Variants in RSRC2 observed in about 807,000 individuals in gnomAD.
RSRC2 encodes the protein arginine and serine rich coiled-coil 2, also known as arginine/serine-rich coiled-coil protein 2.
A neutral mutation model predicts 61.3 loss-of-function variants in RSRC2; 5 were observed. The ratio of observed to expected loss-of-function variants is 0.08; its 90% CI spans 0.04 to 0.17. The LOEUF is 0.17. Ranked by LOEUF, RSRC2 falls within the 10% of genes least tolerant of loss-of-function variation. The probability of loss-of-function intolerance (pLI) is 1.00; values close to 1 mark genes in which losing one functional copy is unlikely to be tolerated. For synonymous variants in RSRC2, 202 were observed against 166.5 expected, an observed-to-expected ratio of 1.21 and a Z score of -1.64; for missense variants, 381 against 518.8, an observed-to-expected ratio of 0.73 and a Z score of 2.58.
Position 122,515,097 on chromosome 12 carries a change from A to T in RSRC2, c.725+8T>A, listed in dbSNP as rs536744082. On this transcript the variant is annotated splice_region_variant and intron_variant, in intron 6 of 9. Transcript: ENST00000331738. ...AACTGGAACAAATGAATTAAGAAAT[A>T]TACACACCTTCTAGCTAAAGCTTCC... The T allele has an allele frequency of 6.2e-7, 1 of 1,612,336 alleles. No individual in the cohort carries two copies. Among genetic ancestry groups the T allele is most frequent in the South Asian group, 1.1e-5 (1 of 90,476 alleles).
At chr12:122,515,017 T>G (rs1958804252) in intron 6 of RSRC2, 88 bp downstream of exon 6, 2 of 1,387,266 alleles carry the variant, frequency 1.4e-6, no homozygotes, top group African/African-American at 2.9e-5. Context: ...TGTGAATCAT[T>G]CTCTTACTGA....
At chr12:122,521,216 T>C (rs544564758) in intron 3 of RSRC2, 169 bp downstream of exon 3, 4 of 494,462 alleles carry the variant, frequency 8.1e-6, no homozygotes, top group African/African-American at 3.9e-5. Context: ...CACATAAACA[T>C]CTTCTTCAAA....
intron 6 of RSRC2, among the ~76,000 whole-genome samples, chr12:122,512,451 G>A (rs939146932): frequency 3.9e-5 from 6 of 152,110 alleles, no homozygotes; most frequent in East Asian, 1.9e-4. Context: ...AAGTCGGCCC[G>A]GCGCCACGCC....
At chr12:122,513,294 TG>T (rs1958672058) in intron 6 of RSRC2, among the ~76,000 whole-genome samples, 1 of 151,208 alleles carries the variant, frequency 6.6e-6, no homozygotes. Flanking sequence ...AGATCTGAAA[TG>T]TATTTCCTAA....
rs771962799 is a variant in RSRC2 at position 122,517,364 on chromosome 12, C to T, written c.465G>A (p.Ser155=). Residue 155 remains serine, a synonymous_variant, in exon 5 of 10, where the codon TCG becomes TCA. Coordinates refer to ENST00000331738, the MANE Select transcript of RSRC2 (RefSeq NM_023012.6). ...TCTTCCTCTCTCTGCTTCTGGATCT[C>T]GATTTCTTCCGCTCCCTACTCCTGG... ...SRSRSRERKK[S]RSRSRERKKS... 7.4e-6 allele frequency: 12 copies of T among 1,614,056 alleles called. No homozygotes were observed. Among genetic ancestry groups the T allele is most frequent in the South Asian group, 5.5e-5 (5 of 91,078 alleles).
intron 8 of RSRC2, chr12:122,507,888 C>T (rs1958225888): frequency 5.3e-6 from 2 of 373,958 alleles, no homozygotes; most frequent in Non-Finnish European, 1.0e-5. Context: ...GTAGGCTCTG[C>T]ATCCCAGGCT....
chr12:122,515,350 A>C (rs1019362122), intron 5 of RSRC2, 123 bp from the exon 6 acceptor site: 3 of 932,994 alleles, frequency 3.2e-6, no homozygotes, highest in Non-Finnish European at 4.8e-6. Flanking sequence ...GAGATGCAAA[A>C]GATTTAAAAC....
chr12:122,505,799 G>A (rs1287583224), intron 9 of RSRC2, 93 bp from the exon 10 acceptor site: 1 of 1,071,748 alleles, frequency 9.3e-7, no homozygotes, highest in Non-Finnish European at 1.3e-6. Flanking sequence ...TTTTTTTTGA[G>A]ATGGAGTCTT....
chr12:122,506,583 C>T (rs1215888092), intron 9 of RSRC2: 1 of 386,772 alleles, frequency 2.6e-6, no homozygotes, highest in Admixed American at 4.2e-5. Context: ...GTACTCCAGC[C>T]CAAGTGACAG....
At chr12:122,520,747 T>A in intron 3 of RSRC2, 1 of 370,092 alleles carries the variant, frequency 2.7e-6, no homozygotes, top group Non-Finnish European at 5.2e-6. Flanking sequence ...CCCACAAGAC[T>A]CTTCTCCCTT....
At chr12:122,514,337 T>G (rs1389164077) in intron 6 of RSRC2, among the ~76,000 whole-genome samples, 2 of 150,920 alleles carry the variant, frequency 1.3e-5, no homozygotes, top group Non-Finnish European at 2.9e-5. Context: ...CGATCTTGGC[T>G]TACTGCAACC....
At chr12:122,523,938 C>T (rs919031903) in intron 1 of RSRC2, among the ~76,000 whole-genome samples, 2 of 152,140 alleles carry the variant, frequency 1.3e-5, no homozygotes, top group African/African-American at 4.8e-5. Context: ...ACATAAATTA[C>T]GTGTTATTCC....
chr12:122,505,936 G>A (rs912673124), intron 9 of RSRC2, among the ~76,000 whole-genome samples: 1 of 151,956 alleles, frequency 6.6e-6, no homozygotes, highest in Non-Finnish European at 1.5e-5. Flanking sequence ...ATGCCACCAC[G>A]CCCAGCTAAT....
At chr12:122,509,571 TAA>T (rs1053497224) in intron 7 of RSRC2, among the ~76,000 whole-genome samples, 2 of 152,194 alleles carry the variant, frequency 1.3e-5, no homozygotes, top group East Asian at 1.9e-4. Flanking sequence ...CAGTCCTCTG[TAA>T]AAAAAGACAC....
At chr12:122,516,034 A>C (rs1488556400) in intron 5 of RSRC2, among the ~76,000 whole-genome samples, 1 of 146,916 alleles carries the variant, frequency 6.8e-6, no homozygotes, top group Non-Finnish European at 1.5e-5. Flanking sequence ...AAAGCACTTA[A>C]AAAAAAATTT....
intron 1 of RSRC2, among the ~76,000 whole-genome samples, chr12:122,525,814 T>TCAAA (rs1960178096): frequency 1.6e-4 from 1 of 6,404 alleles, no homozygotes; most frequent in Admixed American, 8.8e-4. Context: ...TTTTTTTTTT[T>TCAAA]TTTTTTTTTT....
chr12:122,506,223 TAAAAACA>T (rs1236103515), intron 9 of RSRC2: 1 of 152,392 alleles, frequency 6.6e-6, no homozygotes, highest in Non-Finnish European at 1.5e-5. Context: ...CCGTCTATAC[TAAAAACA>T]AAAAACAAAC....
At chr12:122,516,717 G>C (rs536501792) in intron 5 of RSRC2, among the ~76,000 whole-genome samples, 7 of 152,258 alleles carry the variant, frequency 4.6e-5, no homozygotes, top group African/African-American at 1.4e-4. Context: ...TGTTACGACA[G>C]GATTCACTCC....
chr12:122,518,812 A>G, intron 4 of RSRC2, 27 bp downstream of exon 4: 1 of 1,553,048 alleles, frequency 6.4e-7, no homozygotes, highest in Non-Finnish European at 8.9e-7. Context: ...GTTAGAAGGT[A>G]CTACATTATA....
Sources: allele counts gnomAD v4.1 joint callset (sites outside exome capture counted in the v4.1 genomes callset), GRCh38; gene constraint gnomAD v4.1.1; transcripts MANE v1.5; gene names NCBI Gene and HGNC (gene_info 2026-07-23, HGNC 2026-07-21).